The following RAB3B variants were observed in gnomAD, a reference collection of about 807,000 sequenced individuals.
RAB3B encodes the protein RAB3B, member RAS oncogene family.
Under a neutral mutation model 20.5 loss-of-function variants are expected in RAB3B, and 11 were observed. The ratio of observed to expected loss-of-function variants is 0.54; its 90% CI spans 0.34 to 0.89. The LOEUF is 0.89. Among genes scored for constraint, RAB3B ranks in the 40% least tolerant of loss-of-function variants. RAB3B has a pLI of 0.02. For missense variants in RAB3B, 225 were observed against 280.9 expected (o/e 0.80, Z 1.42); for synonymous variants, 99 against 106.3 (o/e 0.93, Z 0.42).
At chr1:51,921,960 C>A (rs1684178333) in intron 4 of RAB3B, among the ~76,000 whole-genome samples, 1 of 152,212 alleles carries the variant, frequency 6.6e-6, no homozygotes, top group South Asian at 2.1e-4. Flanking sequence ...AGCCTTTTGG[C>A]TGGAAGGCAC....
intron 2 of RAB3B, among the ~76,000 whole-genome samples, chr1:51,954,356 CAT>C (rs1022985918): frequency 2.6e-5 from 4 of 152,120 alleles, no homozygotes; most frequent in Non-Finnish European, 5.9e-5. Context: ...GTTAAAAATT[CAT>C]AGAGAAGAAA....
chr1:51,974,492 G>A (rs143680422), intron 2 of RAB3B, among the ~76,000 whole-genome samples: 38 of 152,286 alleles, frequency 2.5e-4, no homozygotes, highest in African/African-American at 7.2e-4. Context: ...TGAACTAGAC[G>A]ACCCGTATAG....
chr1:51,943,244 C>G (rs1293420448), intron 2 of RAB3B, among the ~76,000 whole-genome samples: 2 of 152,064 alleles, frequency 1.3e-5, no homozygotes, highest in Non-Finnish European at 2.9e-5. Context: ...ATTAGCCAGG[C>G]ATGGTGGCAG....
chr1:51,958,600 G>C (rs920747229), intron 2 of RAB3B, among the ~76,000 whole-genome samples: 3 of 152,168 alleles, frequency 2.0e-5, no homozygotes, highest in African/African-American at 7.2e-5. Context: ...GCGCATGCCT[G>C]TAATCCCAGT....
intron 2 of RAB3B, among the ~76,000 whole-genome samples, chr1:51,971,096 A>G (rs1422044283): frequency 6.6e-6 from 1 of 151,872 alleles, no homozygotes; most frequent in East Asian, 1.9e-4. Flanking sequence ...GAAGGAACCC[A>G]ATATTTATTG....
intron 2 of RAB3B, among the ~76,000 whole-genome samples, chr1:51,972,928 T>C (rs1472501107): frequency 1.1e-4 from 16 of 152,232 alleles, no homozygotes; most frequent in Admixed American, 9.2e-4. Flanking sequence ...ACTATATTTG[T>C]TTATTAATTT....
At position 51,914,764 on chromosome 1, in the gene RAB3B, T is replaced by C. The variant is rs574197401; in HGVS notation, c.*5163A>G. The C allele has an allele frequency of 6.6e-6, 1 of 152,290 alleles. No individual in the cohort carries two copies. The highest frequency in any genetic ancestry group is 1.5e-5 in the Non-Finnish European group (1 of 68,016). The allele number at this position is 152,290 out of a possible 1,614,324, so 9.4% of individuals were successfully genotyped here. Reference sequence around the variant, plus strand: ...GGCAGGGAATCTGAAATCAATGAGATCCCAGGACACTGGTTATTGTAGTTC... The same window carrying C: ...GGCAGGGAATCTGAAATCAATGAGACCCCAGGACACTGGTTATTGTAGTTC... On this transcript the variant is annotated 3_prime_UTR_variant, in exon 5 of 5. Transcript: ENST00000371655.
intron 2 of RAB3B, among the ~76,000 whole-genome samples, chr1:51,938,469 T>C (rs6698110): frequency 0.6 from 91,387 of 151,916 alleles, 27,868 homozygotes; most frequent in East Asian, 0.85. Flanking sequence ...TATTCAACAA[T>C]AGGAGAATGG....
intron 2 of RAB3B, among the ~76,000 whole-genome samples, chr1:51,959,208 G>A (rs1181247017): frequency 6.6e-6 from 1 of 152,140 alleles, no homozygotes; most frequent in Non-Finnish European, 1.5e-5. Flanking sequence ...AAAGTCAAAT[G>A]GGAGTTTGCT....
At position 51,954,294 on chromosome 1, in the gene RAB3B, T is replaced by C. The variant is rs148744175; in HGVS notation, c.229-16882A>G. 6.2e-3 allele frequency among the ~76,000 whole-genome samples: 941 copies of C among 152,380 alleles called. 27 individuals are homozygous for C. The South Asian group carries it at 0.093, about 15-fold the overall frequency. Reference sequence around the variant, plus strand: ...TTTCTAACAATGTTAGCTACGCTTATGTTATAATGCTATGTTTAATAAAAT... The same window carrying C: ...TTTCTAACAATGTTAGCTACGCTTACGTTATAATGCTATGTTTAATAAAAT... On this transcript the variant is annotated intron_variant, in intron 2 of 4. Transcript: ENST00000371655.
rs116888245 is a variant in RAB3B, at chr1:51,926,221, G to A, written c.473-6107C>T. Among the ~76,000 whole-genome samples the A allele has an allele frequency of 6.2e-3, 943 of 152,322 alleles. 27 individuals carry two copies. The South Asian group carries it at 0.093, about 15-fold the overall frequency. Reference sequence around the variant, plus strand: ...CAAAGAAGGTTATAATTATCTGTTTGCAATTTTGTTTCCCTAGTCAGTGTG... The same window carrying A: ...CAAAGAAGGTTATAATTATCTGTTTACAATTTTGTTTCCCTAGTCAGTGTG... On this transcript the variant is annotated intron_variant, in intron 4 of 4. Coordinates refer to ENST00000371655, the MANE Select transcript of RAB3B (RefSeq NM_002867.4).
intron 2 of RAB3B, among the ~76,000 whole-genome samples, chr1:51,946,173 A>G (rs1394565035): frequency 6.6e-6 from 1 of 152,214 alleles, no homozygotes; most frequent in African/African-American, 2.4e-5. Flanking sequence ...AGCCTAGCAG[A>G]GCACTGGCCA....
rs570980819 is a variant in RAB3B at position 51,974,946 on chromosome 1, G to T, written c.228+1944C>A. Among the ~76,000 whole-genome samples the T allele has an allele frequency of 2.4e-4, 37 of 152,374 alleles. 1 individual carries two copies. The South Asian group carries it at 7.0e-3, about 29-fold the overall frequency. Reference sequence around the variant, plus strand: ...ACATACGTTTTGGCTGGGCGTGGTGGCTCACGCCTGTAATCCCAGCACTTT... The same window carrying T: ...ACATACGTTTTGGCTGGGCGTGGTGTCTCACGCCTGTAATCCCAGCACTTT... On this transcript the variant is annotated intron_variant, in intron 2 of 4. Transcript: ENST00000371655.
chr1:51,968,450 T>C (rs1165747402), intron 2 of RAB3B, among the ~76,000 whole-genome samples: 1 of 152,238 alleles, frequency 6.6e-6, no homozygotes, highest in East Asian at 1.9e-4. Context: ...ATGGTATTCA[T>C]TTATTGGGCT....
chr1:51,917,201 G>A lies in RAB3B; in HGVS notation c.*2726C>T, dbSNP rs1442323135. 8 of 152,098 alleles carry A rather than the reference G, an allele frequency of 5.3e-5. No homozygotes were observed. Among genetic ancestry groups the A allele is most frequent in the Admixed American group, 3.3e-4 (5 of 15,268 alleles). 9.4% of individuals were successfully genotyped at this position (152,098 alleles called of 1,614,324 possible). Reference sequence around the variant, plus strand: ...TGAGTTAATGCACGTAAAATGCTTGGAACAATGTCTAGTACAGAGTAAGCA... The same window carrying A: ...TGAGTTAATGCACGTAAAATGCTTGAAACAATGTCTAGTACAGAGTAAGCA... On this transcript the variant is annotated 3_prime_UTR_variant, in exon 5 of 5. Transcript: ENST00000371655.
intron 2 of RAB3B, among the ~76,000 whole-genome samples, chr1:51,943,394 TAACAACAAC>T (rs926884803): frequency 2.2e-4 from 11 of 50,098 alleles, no homozygotes; most frequent in South Asian, 6.3e-4. Context: ...AAAATAATAA[TAACAACAAC>T]AACAACAACA....
At chr1:51,965,772 A>G (rs1000148000) in intron 2 of RAB3B, among the ~76,000 whole-genome samples, 2 of 152,198 alleles carry the variant, frequency 1.3e-5, no homozygotes, top group African/African-American at 4.8e-5. Flanking sequence ...TGGAAAAAAA[A>G]CTAGTGAAAT....
chr1:51,926,642 G>T (rs1684247794), intron 4 of RAB3B, among the ~76,000 whole-genome samples: 1 of 152,190 alleles, frequency 6.6e-6, no homozygotes, highest in South Asian at 2.1e-4. Flanking sequence ...ATAATCTAAA[G>T]AAATCTCACC....
At chr1:51,949,294 T>C (rs1262567502) in intron 2 of RAB3B, among the ~76,000 whole-genome samples, 2 of 152,234 alleles carry the variant, frequency 1.3e-5, no homozygotes, top group Admixed American at 6.5e-5. Flanking sequence ...TCACATCCTC[T>C]GAAGTTTTCC....
Sources: gnomAD v4.1 joint callset for allele counts (sites outside exome capture counted in the v4.1 genomes callset) on GRCh38, gnomAD v4.1.1 for gene constraint, MANE v1.5 for transcripts, NCBI Gene and HGNC (gene_info 2026-07-23, HGNC 2026-07-21) for gene names.